CDK11B: variants seen among roughly 807,000 people sequenced by gnomAD.
The protein encoded by CDK11B is cyclin-dependent kinase 11B.
A neutral mutation model predicts 84.0 loss-of-function variants in CDK11B; 37 were observed. The ratio of observed to expected loss-of-function variants is 0.44; its 90% CI spans 0.34 to 0.58. The LOEUF is 0.58. Ranked by LOEUF, CDK11B falls within the 20% of genes least tolerant of loss-of-function variation. The probability of loss-of-function intolerance (pLI) is 0.02; values close to 1 mark genes in which losing one functional copy is unlikely to be tolerated. For missense variants in CDK11B, 427 were observed against 834.0 expected (o/e 0.51, Z 6.01); for synonymous variants, 269 against 309.8 (o/e 0.87, Z 1.38).
intron 4 of CDK11B, among the ~76,000 whole-genome samples, chr1:1,650,567 A>C (rs1234600542): frequency 1.3e-5 from 2 of 149,478 alleles, no homozygotes; most frequent in South Asian, 2.1e-4. Context: ...GGGTTCCACC[A>C]TGTTAGCCAG....
intron 1 of CDK11B, among the ~76,000 whole-genome samples, chr1:1,657,994 GAA>G (rs1203087444): frequency 6.7e-6 from 1 of 149,262 alleles, no homozygotes. Flanking sequence ...CCAACACGGC[GAA>G]AACCCTGTCT....
intron 6 of CDK11B, among the ~76,000 whole-genome samples, chr1:1,643,399 C>G (rs1177965747): frequency 6.6e-6 from 1 of 150,738 alleles, no homozygotes; most frequent in African/African-American, 2.5e-5. Context: ...AGAATCACAT[C>G]ATGAGAATCA....
chr1:1,655,853 A>T (rs566548090), intron 2 of CDK11B, among the ~76,000 whole-genome samples: 1 of 152,292 alleles, frequency 6.6e-6, no homozygotes, highest in South Asian at 2.1e-4. Context: ...ACTGCACTCC[A>T]GCCTGGCGAC....
At position 1,636,497 on chromosome 1, in the gene CDK11B, G is replaced by A. The variant is rs767768645; in HGVS notation, c.1918-16C>T. On this transcript the variant is annotated splice_polypyrimidine_tract_variant and intron_variant, in intron 17 of 19. Coordinates refer to ENST00000341832, the MANE Select transcript of CDK11B (RefSeq NM_033486.3). Reference sequence around the variant, plus strand: ...TCCCCAGATCCTGAAAGACAGAGGTGCTTCAACAGCCACACCAAGTGGCCC... The same window carrying A: ...TCCCCAGATCCTGAAAGACAGAGGTACTTCAACAGCCACACCAAGTGGCCC... 4 of 1,606,556 alleles carry A rather than the reference G, an allele frequency of 2.5e-6. No individual in the cohort carries two copies. The Admixed American group carries it at 6.8e-5, about 27-fold the overall frequency.
intron 2 of CDK11B, among the ~76,000 whole-genome samples, chr1:1,656,643 A>T (rs1361236999): frequency 1.3e-5 from 2 of 152,132 alleles, no homozygotes; most frequent in Admixed American, 6.5e-5. Flanking sequence ...ACAAAAAATT[A>T]GCTTGGCATG....
rs369716558 is a variant in CDK11B at position 1,646,557 on chromosome 1, G to A, written c.495-1295C>T. ...GTTCCAGTAAAACCTAAGATGTGAG[G>A]AGAGATAGTTACAGGATATTGACGT... On this transcript the variant is annotated intron_variant, in intron 5 of 19. Coordinates refer to ENST00000341832, the MANE Select transcript of CDK11B (RefSeq NM_033486.3). 1.7e-3 allele frequency: 872 copies of A among 518,098 alleles called. 2 individuals carry two copies. The highest frequency in any genetic ancestry group is 9.0e-3 in the African/African-American group (467 of 51,986). The allele number at this position is 518,098 out of a possible 1,614,324, so 32.1% of individuals were successfully genotyped here. A position where few individuals can be genotyped will look rare whatever the true frequency, so the allele number is the denominator to read the frequency against.
intron 5 of CDK11B, among the ~76,000 whole-genome samples, chr1:1,648,202 A>T (rs1641422339): frequency 6.6e-6 from 1 of 152,194 alleles, no homozygotes; most frequent in South Asian, 2.1e-4. Flanking sequence ...ATTTTTGCTC[A>T]TTCACTCTCC....
At chr1:1,651,155 C>T (rs1449125309) in intron 4 of CDK11B, among the ~76,000 whole-genome samples, 2 of 152,234 alleles carry the variant, frequency 1.3e-5, no homozygotes, top group African/African-American at 4.8e-5. Context: ...GGTACGAGAT[C>T]AAACTGCTCA....
At chr1:1,654,251 G>A (rs1226301029) in intron 3 of CDK11B, 5 of 437,930 alleles carry the variant, frequency 1.1e-5, no homozygotes, top group East Asian at 1.4e-4. Context: ...AAGAAACGTC[G>A]GAACACACAG....
At chr1:1,654,926 G>C (rs1375463832) in intron 3 of CDK11B, among the ~76,000 whole-genome samples, 1 of 152,028 alleles carries the variant, frequency 6.6e-6, no homozygotes, top group Non-Finnish European at 1.5e-5. Flanking sequence ...CCAAAGTGCT[G>C]GGATTACAGG....
chr1:1,647,065 T>C (rs886227101), intron 5 of CDK11B: 1 of 444,396 alleles, frequency 2.3e-6, no homozygotes, highest in Non-Finnish European at 4.5e-6. Context: ...AACAAATATC[T>C]TTCCTCTCTC....
At chr1:1,649,407 T>A in intron 5 of CDK11B, 92 bp downstream of exon 5, 5 of 1,002,602 alleles carry the variant, frequency 5.0e-6, no homozygotes, top group Non-Finnish European at 6.1e-6. Context: ...GGCTCAGATG[T>A]GACTTCTATT....
rs939465191 is a variant in CDK11B, at chr1:1,655,614, C to T, written c.112-130G>A. ...AACTTTCATATATACTCTGAATGAGCCAGTGTTATAAAATATAAAGAACTT... is the reference window on the plus strand; with the variant it reads ...AACTTTCATATATACTCTGAATGAGTCAGTGTTATAAAATATAAAGAACTT... On this transcript the variant is annotated intron_variant, in intron 2 of 19. Transcript: ENST00000341832. 1.0e-5 allele frequency: 14 copies of T among 1,344,350 alleles called. No individual in the cohort carries two copies. In the Admixed American group the frequency reaches 3.7e-4, roughly 35 times the overall value. The allele number at this position is 1,344,350 out of a possible 1,614,324, so 83.3% of individuals were successfully genotyped here. A position where few individuals can be genotyped will look rare whatever the true frequency, so the allele number is the denominator to read the frequency against.
intron 6 of CDK11B, among the ~76,000 whole-genome samples, chr1:1,644,689 G>A (rs1412154091): frequency 1.3e-5 from 2 of 151,876 alleles, no homozygotes; most frequent in African/African-American, 4.9e-5. Context: ...GAGGACGTGG[G>A]TGACTATAAA....
At chr1:1,651,705 CTGAA>C (rs1642033613) in intron 4 of CDK11B, among the ~76,000 whole-genome samples, 1 of 150,820 alleles carries the variant, frequency 6.6e-6, no homozygotes, top group Non-Finnish European at 1.5e-5. Flanking sequence ...TATAGCCCCT[CTGAA>C]TGGTCTGTGA....
chr1:1,654,580 G>A (rs1394521260), intron 3 of CDK11B, among the ~76,000 whole-genome samples: 1 of 151,850 alleles, frequency 6.6e-6, no homozygotes, highest in Non-Finnish European at 1.5e-5. Context: ...GCCGCGTCCG[G>A]CCAATATGAA....
At chr1:1,650,664 C>CTTT (rs1185570412) in intron 4 of CDK11B, among the ~76,000 whole-genome samples, 3 of 114,984 alleles carry the variant, frequency 2.6e-5, no homozygotes, top group African/African-American at 6.0e-5. Flanking sequence ...CGCGCCCGGC[C>CTTT]TTTTTTTTTT....
chr1:1,635,850 C>T lies in CDK11B; in HGVS notation c.2263G>A (p.Asp755Asn). 2.9e-6 allele frequency: 1 copy of T among 342,594 alleles called. No homozygotes were observed. The highest frequency in any genetic ancestry group is 4.8e-6 in the Non-Finnish European group (1 of 206,922). The allele number at this position is 342,594 out of a possible 1,614,324, so 21.2% of individuals were successfully genotyped here. Residue 755 changes from aspartate to asparagine, a missense_variant, in exon 20 of 20, where the codon GAC (aspartate) becomes AAC (asparagine). This residue lies in a region of CDK11B where 170 missense variants were observed against 196.0 expected (regional missense o/e 0.87). Transcript: ENST00000341832. Reference sequence around the variant, plus strand: ...TGGAAGCCCGTCTCCTTCAGGTCGTCGTCACCCTGGGACGAGTCGGCTACC... The same window carrying T: ...TGGAAGCCCGTCTCCTTCAGGTCGTTGTCACCCTGGGACGAGTCGGCTACC... ...GGLGYSQLGD[D>N]DLKETGFHLT...
intron 3 of CDK11B, among the ~76,000 whole-genome samples, chr1:1,654,729 T>G (rs1354663892): frequency 2.0e-5 from 3 of 151,564 alleles, no homozygotes; most frequent in Non-Finnish European, 2.9e-5. Context: ...CATGATCTTG[T>G]CTCACTGCAA....
Sources: gnomAD v4.1 joint callset for allele counts (sites outside exome capture counted in the v4.1 genomes callset) on GRCh38, gnomAD v4.1.1 for gene constraint, gnomAD v4.1.1 regional missense constraint, MANE v1.5 for transcripts, NCBI Gene and HGNC (gene_info 2026-07-23, HGNC 2026-07-21) for gene names.